The following APBB1IP variants were observed in gnomAD, a reference collection of about 807,000 sequenced individuals.
APBB1IP encodes amyloid beta precursor protein binding family B member 1 interacting protein.
APBB1IP carries 27 observed loss-of-function variants against 64.9 expected under a neutral mutation model. The ratio of observed to expected loss-of-function variants is 0.42; its 90% confidence interval spans 0.31 to 0.57. The LOEUF is 0.57. Among genes scored for constraint, APBB1IP ranks in the 20% least tolerant of loss-of-function variants. APBB1IP has a pLI of 0.20. For synonymous variants in APBB1IP, 392 were observed against 331.0 expected, an observed-to-expected ratio of 1.18 and a Z score of -2.00; for missense variants, 812 against 845.5, an observed-to-expected ratio of 0.96 and a Z score of 0.49.
chr10:26,453,774 A>G (rs1423296874), intron 2 of APBB1IP, among the ~76,000 whole-genome samples: 1 of 152,214 alleles, frequency 6.6e-6, no homozygotes, highest in African/African-American at 2.4e-5. Flanking sequence ...AATCAATACC[A>G]CAATGAGTAC....
At chr10:26,451,601 C>A (rs1353057338) in intron 2 of APBB1IP, among the ~76,000 whole-genome samples, 3 of 152,316 alleles carry the variant, frequency 2.0e-5, no homozygotes, top group South Asian at 2.1e-4. Context: ...TATTTTTCTT[C>A]TCTTATCTTG....
intron 4 of APBB1IP, among the ~76,000 whole-genome samples, chr10:26,498,719 G>A (rs1479152958): frequency 6.6e-6 from 1 of 152,114 alleles, no homozygotes; most frequent in Non-Finnish European, 1.5e-5. Flanking sequence ...TCAGTGCCTG[G>A]TATCACAGTA....
At chr10:26,443,879 A>G (rs925020631) in intron 2 of APBB1IP, among the ~76,000 whole-genome samples, 1 of 152,200 alleles carries the variant, frequency 6.6e-6, no homozygotes, top group Non-Finnish European at 1.5e-5. Flanking sequence ...TCAGTCAAAA[A>G]TGTTTGCTAA....
intron 2 of APBB1IP, among the ~76,000 whole-genome samples, chr10:26,464,503 T>A (rs1222719804): frequency 6.6e-6 from 1 of 152,128 alleles, no homozygotes; most frequent in Non-Finnish European, 1.5e-5. Flanking sequence ...CAGGCTCAAG[T>A]GATCCTCCCA....
intron 2 of APBB1IP, among the ~76,000 whole-genome samples, chr10:26,474,447 G>A (rs1473600111): frequency 6.6e-6 from 1 of 152,190 alleles, no homozygotes. Flanking sequence ...AATCGCCCAG[G>A]AAAATCTTCC....
chr10:26,555,479 T>C (rs1836883864), intron 11 of APBB1IP, among the ~76,000 whole-genome samples: 1 of 152,218 alleles, frequency 6.6e-6, no homozygotes, highest in Non-Finnish European at 1.5e-5. Context: ...GAACATACTA[T>C]TTCATAATCA....
chr10:26,523,234 T>A (rs1836427098), intron 8 of APBB1IP, among the ~76,000 whole-genome samples: 1 of 152,164 alleles, frequency 6.6e-6, no homozygotes, highest in Non-Finnish European at 1.5e-5. Context: ...AACAGAAGAA[T>A]GCCATTCAAT....
Position 26,567,317 on chromosome 10 carries a change from C to G in APBB1IP, c.1830C>G (p.Pro610=), listed in dbSNP as rs761355449. Residue 610 remains proline (P), a synonymous_variant, in exon 15 of 15, where the codon CCC becomes CCG. Coordinates refer to ENST00000376236, the MANE Select transcript of APBB1IP (RefSeq NM_019043.4). The stretch of plus-strand genomic sequence containing the variant: ...CGCCGCCGCCGCCCGCGCCCGCGCC[C>G]GCCCCCGTCCCCGACTCCGCCAGGC... ...PPPPPPPAPA[P]APVPDSARPP... 8.2e-7 allele frequency: 1 copy of G among 1,220,492 alleles called. No homozygotes were observed. Among genetic ancestry groups the G allele is most frequent in the Non-Finnish European group, 1.0e-6 (1 of 962,712 alleles). 75.6% of individuals were successfully genotyped at this position (1,220,492 alleles called of 1,614,324 possible).
At chr10:26,519,569 C>G (rs1026523782) in intron 8 of APBB1IP, among the ~76,000 whole-genome samples, 1 of 152,156 alleles carries the variant, frequency 6.6e-6, no homozygotes, top group East Asian at 1.9e-4. Context: ...CCACCAGGCC[C>G]GACTTCCAAC....
intron 2 of APBB1IP, among the ~76,000 whole-genome samples, chr10:26,480,620 C>CT (rs535190399): frequency 0.047 from 3,933 of 83,974 alleles, 366 homozygotes; most frequent in Non-Finnish European, 0.064. Context: ...TGAGCTGCTT[C>CT]TTTTTTTTTT....
intron 2 of APBB1IP, among the ~76,000 whole-genome samples, chr10:26,456,493 A>G (rs966937305): frequency 2.0e-5 from 3 of 152,188 alleles, no homozygotes; most frequent in Non-Finnish European, 4.4e-5. Context: ...AATCCTATGG[A>G]CAGTAGAGAG....
At chr10:26,513,071 T>G (rs1836280751) in intron 7 of APBB1IP, among the ~76,000 whole-genome samples, 1 of 152,238 alleles carries the variant, frequency 6.6e-6, no homozygotes, top group Admixed American at 6.5e-5. Context: ...CCACCTCACG[T>G]AGAATGTTTG....
intron 2 of APBB1IP, among the ~76,000 whole-genome samples, chr10:26,475,438 T>C (rs950382836): frequency 2.0e-5 from 3 of 152,196 alleles, no homozygotes; most frequent in Non-Finnish European, 4.4e-5. Flanking sequence ...GCTTTTTCTT[T>C]GTGTGGATTT....
At chr10:26,445,413 C>CT (rs1018346700) in intron 2 of APBB1IP, among the ~76,000 whole-genome samples, 31 of 152,058 alleles carry the variant, frequency 2.0e-4, no homozygotes, top group African/African-American at 7.2e-4. Flanking sequence ...TCCATAAATT[C>CT]TTTTTTTAAT....
chr10:26,444,834 C>G (rs953303860), intron 2 of APBB1IP, among the ~76,000 whole-genome samples: 2 of 152,136 alleles, frequency 1.3e-5, no homozygotes, highest in Non-Finnish European at 2.9e-5. Flanking sequence ...CGTGGTGGCT[C>G]ACGCCTGTAA....
intron 14 of APBB1IP, among the ~76,000 whole-genome samples, chr10:26,564,323 C>G (rs754212500): frequency 6.6e-6 from 1 of 152,142 alleles, no homozygotes; most frequent in Non-Finnish European, 1.5e-5. Flanking sequence ...AAGGGCTATG[C>G]GTCTATTAGA....
At chr10:26,552,053 C>A (rs1836838437) in intron 11 of APBB1IP, among the ~76,000 whole-genome samples, 1 of 152,166 alleles carries the variant, frequency 6.6e-6, no homozygotes. Flanking sequence ...AATCCCAGCA[C>A]TTTGGGAGGC....
At chr10:26,461,732 A>AT (rs1336111343) in intron 2 of APBB1IP, among the ~76,000 whole-genome samples, 2 of 151,160 alleles carry the variant, frequency 1.3e-5, no homozygotes. Context: ...AGTTCCCTTC[A>AT]TTTTTTCGTC....
rs374621872 is a variant in APBB1IP at position 26,567,408 on chromosome 10, G to A, written c.1921G>A (p.Gly641Ser). 2.5e-6 allele frequency: 4 copies of A among 1,602,094 alleles called. No individual in the cohort carries two copies. In the African/African-American group the frequency reaches 4.0e-5, roughly 16 times the overall value. ...PKRQENPGHPGGAGGGEQDFM... is the reference protein window; with the variant it reads ...PKRQENPGHPSGAGGGEQDFM... ...GAGGCAAGAGAACCCAGGGCACCCC[G>A]GCGGAGCAGGAGGCGGGGAGCAAGA... is the stretch of plus-strand genomic sequence containing the variant. Residue 641 changes from glycine to serine, a missense_variant, in exon 15 of 15, where the codon GGC becomes AGC. Coordinates refer to ENST00000376236, the MANE Select transcript of APBB1IP (RefSeq NM_019043.4).
Sources: allele counts gnomAD v4.1 joint callset (sites outside exome capture counted in the v4.1 genomes callset), GRCh38; gene constraint gnomAD v4.1.1; transcripts MANE v1.5; gene names NCBI Gene and HGNC (gene_info 2026-07-23, HGNC 2026-07-21).